The following LRP1 variants were observed in gnomAD, a reference collection of about 807,000 sequenced individuals.
LRP1 encodes LDL receptor related protein 1, also known as prolow-density lipoprotein receptor-related protein 1.
In LRP1, 51 loss-of-function variants were observed where a neutral mutation model predicts 541.5. The ratio of observed to expected loss-of-function variants is 0.09; its 90% CI spans 0.08 to 0.12. The LOEUF is 0.12. Ranked by LOEUF, LRP1 falls within the 10% of genes least tolerant of loss-of-function variation. The pLI is 1.00. For synonymous variants in LRP1, 2,219 were observed against 2,470.8 expected, an observed-to-expected ratio of 0.90 and a Z score of 3.02; for missense variants, 3,878 against 6,376.2, an observed-to-expected ratio of 0.61 and a Z score of 13.34.
intron 6 of LRP1, among the ~76,000 whole-genome samples, chr12:57,152,356 A>G (rs2035542598): frequency 6.6e-6 from 1 of 152,088 alleles, no homozygotes; most frequent in South Asian, 2.1e-4. Flanking sequence ...GATGAAGTTC[A>G]TACACATGCC....
chr12:57,191,228 T>C, intron 43 of LRP1, 92 bp from the exon 44 acceptor site: 1 of 1,310,038 alleles, frequency 7.6e-7, no homozygotes, highest in Non-Finnish European at 1.1e-6. Flanking sequence ...CCTCATTCTG[T>C]AGCTGTCAGA....
Position 57,195,797 on chromosome 12 carries a change from G to A in LRP1, c.8560+17G>A. On this transcript the variant is annotated intron_variant, in intron 53 of 88. Coordinates refer to ENST00000243077, the MANE Select transcript of LRP1 (RefSeq NM_002332.3). Reference sequence around the variant, plus strand: ...CCGAGTGTGGTGAGCCTTCGGCGGTGGTGGGAGGAGGCCCTGCCCTCTGCC... The same window carrying A: ...CCGAGTGTGGTGAGCCTTCGGCGGTAGTGGGAGGAGGCCCTGCCCTCTGCC... 6.2e-7 allele frequency: 1 copy of A among 1,614,124 alleles called. No homozygotes were observed. Among genetic ancestry groups the A allele is most frequent in the Non-Finnish European group, 8.5e-7 (1 of 1,180,016 alleles).
intron 34 of LRP1, among the ~76,000 whole-genome samples, chr12:57,182,336 C>T (rs1565738017): frequency 6.6e-6 from 1 of 151,922 alleles, no homozygotes; most frequent in Non-Finnish European, 1.5e-5. Flanking sequence ...CATGGCAAAA[C>T]TCCGTCTCTA....
chr12:57,152,924 G>T (rs1219141415), intron 6 of LRP1, among the ~76,000 whole-genome samples: 1 of 152,156 alleles, frequency 6.6e-6, no homozygotes, highest in African/African-American at 2.4e-5. Flanking sequence ...CCCACTGTTA[G>T]GGAGCAGCCC....
In LRP1 at chr12:57,161,005, G is replaced by A. The variant is rs761803407; in HGVS notation, c.2092G>A (p.Val698Met). 1.2e-6 allele frequency: 2 copies of A among 1,614,054 alleles called. No homozygotes were observed. Among genetic ancestry groups the A allele is most frequent in the Non-Finnish European group, 1.7e-6 (2 of 1,180,034 alleles). Residue 698 changes from valine (V) to methionine (M), a missense_variant, in exon 13 of 89, where the codon GTG (valine) becomes ATG (methionine). By Grantham distance (21) the Val-to-Met change is conservative. Around this residue, in one of 13 missense-constraint regions of LRP1, gnomAD observed 496 missense variants for 861.0 expected, o/e 0.58. Transcript: ENST00000243077. ...AGACATCTTTGTCACCTCCAAGACA[G>A]TGCTTTGGCCCAATGGGCTAAGCCT... is the stretch of plus-strand genomic sequence containing the variant. ...HRDIFVTSKT[V>M]LWPNGLSLDI...
chr12:57,154,983 G>T lies in LRP1; in HGVS notation c.1227+282G>T. ...ACCCCTAGCTGATGAACAGGGAGGT[G>T]GTTCAGTTCCCTTTCAGCAGATGAA... On this transcript the variant is annotated intron_variant, in intron 8 of 88. Transcript: ENST00000243077. The surrounding 1 kb of genome is among the most constrained non-coding windows in gnomAD (Gnocchi z 4.6). 1.7e-6 allele frequency: 1 copy of T among 588,258 alleles called. No individual in the cohort carries two copies. The highest frequency in any genetic ancestry group is 3.0e-5 in the Admixed American group (1 of 33,244). The allele number at this position is 588,258 out of a possible 1,614,324, so 36.4% of individuals were successfully genotyped here.
intron 58 of LRP1, 91 bp from the exon 59 acceptor site, chr12:57,198,065 A>T: frequency 8.7e-7 from 1 of 1,146,428 alleles, no homozygotes; most frequent in Non-Finnish European, 1.2e-6. Flanking sequence ...GCTCTACCCC[A>T]TTTTACACGA....
chr12:57,170,092 A>G (rs1389477600), intron 20 of LRP1, among the ~76,000 whole-genome samples: 3 of 152,138 alleles, frequency 2.0e-5, no homozygotes, highest in Non-Finnish European at 4.4e-5. Context: ...TTTGCTGGCA[A>G]TCTTTGCAGC....
chr12:57,200,353 C>A, intron 62 of LRP1, 89 bp from the exon 63 acceptor site: 1 of 861,674 alleles, frequency 1.2e-6, no homozygotes, highest in Non-Finnish European at 1.9e-6. Context: ...CCTGCCTCAA[C>A]TTCTTTGAAA....
intron 76 of LRP1, among the ~76,000 whole-genome samples, chr12:57,207,371 G>T (rs950691193): frequency 8.6e-5 from 13 of 151,556 alleles, no homozygotes; most frequent in African/African-American, 2.7e-4. Flanking sequence ...GTGGTGGCGG[G>T]CGCCTGTAAT....
chr12:57,195,469 C>A, intron 52 of LRP1, 70 bp downstream of exon 52: 2 of 1,587,166 alleles, frequency 1.3e-6, no homozygotes, highest in Non-Finnish European at 1.7e-6. Flanking sequence ...GATGGGGAAG[C>A]CGGGGTGCAG....
chr12:57,134,017 T>C (rs1255804835), intron 1 of LRP1, among the ~76,000 whole-genome samples: 1 of 151,946 alleles, frequency 6.6e-6, no homozygotes, highest in African/African-American at 2.4e-5. Context: ...CAGCCAAGGG[T>C]CAAGCAGGGC....
Position 57,191,310 on chromosome 12 carries a change from G to A in LRP1, c.7237-10G>A, listed in dbSNP as rs753396039. 2.5e-6 allele frequency: 4 copies of A among 1,587,250 alleles called. No homozygotes were observed. The highest frequency in any genetic ancestry group is 2.3e-5 in the East Asian group (1 of 44,338). ...GCGATGCTGTGACGGTGATGGTGCT[G>A]TCTCCACAGGTGATCCTAAAGTCAG... On this transcript the variant is annotated splice_polypyrimidine_tract_variant and intron_variant, in intron 43 of 88. Transcript: ENST00000243077.
chr12:57,195,891 C>T lies in LRP1; in HGVS notation c.8589C>T (p.Phe2863=). The T allele has an allele frequency of 6.2e-7, 1 of 1,613,800 alleles. No homozygotes were observed. Among genetic ancestry groups the T allele is most frequent in the Non-Finnish European group, 8.5e-7 (1 of 1,180,024 alleles). The change falls in exon 54 of 89, where the codon TTC becomes TTT. Residue 2863 remains phenylalanine, a synonymous_variant. Transcript: ENST00000243077. ...ACCCGACCTGCGGCCCCAGTGAGTT[C>T]CGCTGTGCCAATGGGCGCTGTCTGA... The part of the protein sequence containing the change: ...CEYPTCGPSE[F]RCANGRCLSS...
chr12:57,154,581 T>C lies in LRP1; in HGVS notation c.1107T>C (p.Pro369=), dbSNP rs34574998. ...TCGTCGACAGCAAGATTGTGTTTCC[T>C]CATGGCATCACGCTGGACCTGGTCA... The part of the protein sequence containing the change: ...TKLVDSKIVF[P]HGITLDLVSR... The change falls in exon 8 of 89, where the codon CCT becomes CCC. Residue 369 remains proline (P), a synonymous_variant. Coordinates refer to ENST00000243077, the MANE Select transcript of LRP1 (RefSeq NM_002332.3). The surrounding 1 kb of genome is among the most constrained non-coding windows in gnomAD (Gnocchi z 4.6). 0.011 allele frequency: 17,238 copies of C among 1,613,842 alleles called. 739 individuals are homozygous for C. The African/African-American group carries it at 0.11, about 11-fold the overall frequency.
At chr12:57,141,604 G>C in intron 3 of LRP1, 93 bp downstream of exon 3, 1 of 1,482,940 alleles carries the variant, frequency 6.7e-7, no homozygotes, top group Non-Finnish European at 9.3e-7. Flanking sequence ...CAGTGGGGAT[G>C]AGGCCTTGTC....
intron 1 of LRP1, among the ~76,000 whole-genome samples, 184 bp from the exon 2 acceptor site, chr12:57,138,275 A>G (rs35984355): frequency 0.01 from 1,541 of 151,994 alleles, 19 homozygotes; most frequent in African/African-American, 0.035. Flanking sequence ...CCCACCGCAG[A>G]TACACAGTGT....
chr12:57,180,644 C>T, intron 32 of LRP1, 23 bp from the exon 33 acceptor site: 1 of 1,613,724 alleles, frequency 6.2e-7, no homozygotes, highest in Non-Finnish European at 8.5e-7. Context: ...TCCCAAGGGT[C>T]TCATCCCCTC....
Position 57,183,267 on chromosome 12 carries a change from T to A in LRP1, c.5663-112T>A. 1 of 1,168,054 alleles carries A rather than the reference T, an allele frequency of 8.6e-7. No homozygotes were observed. Among genetic ancestry groups the A allele is most frequent in the South Asian group, 1.4e-5 (1 of 70,536 alleles). The allele number at this position is 1,168,054 out of a possible 1,614,324, so 72.4% of individuals were successfully genotyped here. ...TGTGCTGGGTGGAGGATAGGGATGA[T>A]GGTGGGGGGGGATGATATCAAAGGA... is the stretch of plus-strand genomic sequence containing the variant. On this transcript the variant is annotated intron_variant, in intron 34 of 88. Transcript: ENST00000243077. The surrounding 1 kb of genome is among the most constrained non-coding windows in gnomAD (Gnocchi z 6.1).
Sources: gnomAD v4.1 joint callset for allele counts (sites outside exome capture counted in the v4.1 genomes callset) on GRCh38, gnomAD v4.1.1 for gene constraint, gnomAD v4.1.1 regional missense constraint, Gnocchi (gnomAD v3.1) non-coding constraint, MANE v1.5 for transcripts, NCBI Gene and HGNC (gene_info 2026-07-23, HGNC 2026-07-21) for gene names.